The following AGBL1 variants were observed in gnomAD, a reference collection of about 807,000 sequenced individuals.
AGBL1 encodes the protein AGBL carboxypeptidase 1.
A neutral mutation model predicts 118.9 loss-of-function variants in AGBL1; 130 were observed. That is an observed-to-expected ratio of 1.09 (90% CI 0.95 to 1.26). The LOEUF (loss-of-function observed/expected upper bound fraction) is 1.26. Among genes scored for constraint, AGBL1 ranks in the 50% most tolerant of loss-of-function variants. The pLI is 0.00. For missense variants in AGBL1, 1,584 were observed against 1,298.1 expected (o/e 1.22, Z -3.38); for synonymous variants, 555 against 478.9 (o/e 1.16, Z -2.08).
At chr15:86,672,474 A>G (rs1006806381) in intron 21 of AGBL1, among the ~76,000 whole-genome samples, 5 of 152,128 alleles carry the variant, frequency 3.3e-5, no homozygotes, top group African/African-American at 1.2e-4. Context: ...TGTCTGCTGG[A>G]GGCTGGGGTT....
At chr15:86,887,262 T>C (rs1041915287) in intron 22 of AGBL1, among the ~76,000 whole-genome samples, 1 of 152,206 alleles carries the variant, frequency 6.6e-6, no homozygotes, top group African/African-American at 2.4e-5. Flanking sequence ...TATGTATCTA[T>C]CTACCTACCT....
At chr15:86,916,621 T>G (rs1004802710), downstream of AGBL1, among the ~76,000 whole-genome samples, 1 of 152,208 alleles carries the variant, frequency 6.6e-6, no homozygotes, top group African/African-American at 2.4e-5. Context: ...AGGCTCTGGC[T>G]CGGTTACTTC....
intron 17 of AGBL1, among the ~76,000 whole-genome samples, chr15:86,368,768 G>C (rs1049463627): frequency 6.6e-6 from 1 of 152,146 alleles, no homozygotes; most frequent in African/African-American, 2.4e-5. Flanking sequence ...GAATGGTGGA[G>C]AAACAGTATT....
chr15:86,181,258 T>C (rs1238201664), intron 5 of AGBL1, among the ~76,000 whole-genome samples: 1 of 152,134 alleles, frequency 6.6e-6, no homozygotes, highest in East Asian at 1.9e-4. Context: ...AGCCGAAAGC[T>C]GGAAACAATC....
At chr15:86,337,948 A>G (rs576435344) in intron 17 of AGBL1, among the ~76,000 whole-genome samples, 2 of 152,344 alleles carry the variant, frequency 1.3e-5, no homozygotes, top group East Asian at 3.9e-4. Context: ...ATATTTATCA[A>G]GTGTCTGGTA....
intron 21 of AGBL1, among the ~76,000 whole-genome samples, chr15:86,634,004 CAGT>C (rs1390920926): frequency 6.6e-6 from 1 of 151,690 alleles, no homozygotes; most frequent in African/African-American, 2.4e-5. Context: ...AAATCAATAT[CAGT>C]AGGAGATACC....
intron 1 of AGBL1, among the ~76,000 whole-genome samples, chr15:86,097,693 G>T (rs1410143605): frequency 6.6e-6 from 1 of 152,042 alleles, no homozygotes; most frequent in Non-Finnish European, 1.5e-5. Flanking sequence ...GTATGCCATT[G>T]TGTATATATG....
intron 13 of AGBL1, among the ~76,000 whole-genome samples, chr15:86,267,391 A>G (rs1483072641): frequency 6.6e-6 from 1 of 152,182 alleles, no homozygotes. Flanking sequence ...ATGGGTCCAT[A>G]TTTCGGTGTG....
chr15:86,520,012 G>A (rs2083166314), intron 18 of AGBL1, among the ~76,000 whole-genome samples: 1 of 152,172 alleles, frequency 6.6e-6, no homozygotes, highest in African/African-American at 2.4e-5. Context: ...CCTTAGGTGT[G>A]TCCAAGTACA....
chr15:86,117,586 T>C (rs1166765966), intron 1 of AGBL1, among the ~76,000 whole-genome samples: 1 of 152,210 alleles, frequency 6.6e-6, no homozygotes, highest in African/African-American at 2.4e-5. Flanking sequence ...GCTCAGAATG[T>C]GTTTTTAGTG....
Position 86,090,382 on chromosome 15 carries a change from C to T in AGBL1, c.51+10359C>T, listed in dbSNP as rs541567109. Among the ~76,000 whole-genome samples, 82 of 152,282 alleles carry T rather than the reference C, an allele frequency of 5.4e-4. 1 individual carries two copies. The highest frequency in any genetic ancestry group is 1.9e-3 in the South Asian group (9 of 4,824). On this transcript the variant is annotated intron_variant, in intron 1 of 22. Transcript: ENST00000614907. ...AAAATCCCCCTATTAGATTCTACTT[C>T]CTAAGACAACTTCGTAAGCACTTGC... is the stretch of plus-strand genomic sequence containing the variant.
intron 1 of AGBL1, among the ~76,000 whole-genome samples, chr15:86,121,828 G>A (rs1597421988): frequency 6.6e-6 from 1 of 152,170 alleles, no homozygotes; most frequent in Non-Finnish European, 1.5e-5. Flanking sequence ...ATGAATTTTC[G>A]TTCCACAGTG....
intron 9 of AGBL1, among the ~76,000 whole-genome samples, chr15:86,260,677 AC>A (rs2078968465): frequency 6.6e-6 from 1 of 152,174 alleles, no homozygotes; most frequent in East Asian, 1.9e-4. Flanking sequence ...AGTCTAGTGG[AC>A]TTGGAGTTTG....
intron 5 of AGBL1, among the ~76,000 whole-genome samples, chr15:86,191,859 G>C (rs568295398): frequency 6.6e-6 from 1 of 151,086 alleles, no homozygotes; most frequent in Admixed American, 6.6e-5. Context: ...GAAGATTGAG[G>C]CCAGGAGTAT....
chr15:86,768,394 CA>C (rs1240618121), intron 22 of AGBL1, among the ~76,000 whole-genome samples: 1 of 151,968 alleles, frequency 6.6e-6, no homozygotes, highest in Non-Finnish European at 1.5e-5. Flanking sequence ...ATGATCCACC[CA>C]GTCTTTGATT....
chr15:86,878,346 T>A (rs895749229), intron 22 of AGBL1, among the ~76,000 whole-genome samples: 1 of 152,188 alleles, frequency 6.6e-6, no homozygotes, highest in African/African-American at 2.4e-5. Flanking sequence ...ACAATGGGCA[T>A]GGCTGCATTC....
rs78878929 is a variant in AGBL1, at chr15:86,416,358, C to T, written c.2555+18812C>T. On this transcript the variant is annotated intron_variant, in intron 18 of 22. Coordinates refer to ENST00000614907, the MANE Select transcript of AGBL1 (RefSeq NM_001386094.1). The stretch of plus-strand genomic sequence containing the variant: ...AAATGCGGTGTTAAATGAAAATGTC[C>T]AAAGCTTGGGCTGTGCTTTCCAATG... Among the ~76,000 whole-genome samples the T allele has an allele frequency of 8.3e-3, 1,261 of 152,102 alleles. 19 individuals carry two copies. The highest frequency in any genetic ancestry group is 0.029 in the African/African-American group (1,206 of 41,506).
chr15:86,322,054 A>G (rs1314242402), intron 17 of AGBL1, among the ~76,000 whole-genome samples: 1 of 151,128 alleles, frequency 6.6e-6, no homozygotes, highest in East Asian at 1.9e-4. Context: ...TGTTAAGGCT[A>G]TCTTTATGGC....
At chr15:86,319,002 A>T (rs1597725592) in intron 17 of AGBL1, among the ~76,000 whole-genome samples, 1 of 152,188 alleles carries the variant, frequency 6.6e-6, no homozygotes, top group Non-Finnish European at 1.5e-5. Context: ...AAAACAAACA[A>T]CAAAGAAACA....
Sources: allele counts gnomAD v4.1 joint callset (sites outside exome capture counted in the v4.1 genomes callset), GRCh38; gene constraint gnomAD v4.1.1; transcripts MANE v1.5; gene names NCBI Gene and HGNC (gene_info 2026-07-23, HGNC 2026-07-21).